The following ME1 variants were observed in gnomAD, a reference collection of about 807,000 sequenced individuals.
ME1 encodes malic enzyme 1.
Under a neutral mutation model 66.4 loss-of-function variants are expected in ME1, and 74 were observed. The observed-to-expected ratio is 1.11, with a 90% CI of 0.92 to 1.35. The LOEUF is 1.35. ME1 is among the 40% of genes most tolerant of loss of function. The pLI is 0.00. For missense variants in ME1, 750 were observed against 694.1 expected (o/e 1.08, Z -0.90); for synonymous variants, 251 against 235.6 (o/e 1.07, Z -0.60).
intron 12 of ME1, among the ~76,000 whole-genome samples, chr6:83,220,321 T>G (rs1790067463): frequency 1.3e-5 from 2 of 152,072 alleles, no homozygotes; most frequent in African/African-American, 4.8e-5. Context: ...GGAGAAGTGG[T>G]GTGAAGATAG....
chr6:83,225,205 C>CGAAA (rs1386353254), intron 11 of ME1, among the ~76,000 whole-genome samples: 3 of 40,498 alleles, frequency 7.4e-5, no homozygotes, highest in Non-Finnish European at 1.6e-4. Context: ...GACTCCATCT[C>CGAAA]AAAAAAAAAA....
intron 7 of ME1, among the ~76,000 whole-genome samples, chr6:83,251,584 T>A (rs1790726161): frequency 6.6e-6 from 1 of 152,118 alleles, no homozygotes; most frequent in South Asian, 2.1e-4. Context: ...GAGGTGGAAT[T>A]GACCCAGACC....
intron 12 of ME1, among the ~76,000 whole-genome samples, chr6:83,219,760 G>A (rs1003747915): frequency 1.4e-5 from 1 of 72,280 alleles, no homozygotes; most frequent in Non-Finnish European, 3.0e-5. Context: ...TTTTTTTTTT[G>A]TATTTTTAGC....
At chr6:83,252,910 T>G (rs901425162) in intron 7 of ME1, among the ~76,000 whole-genome samples, 1 of 152,168 alleles carries the variant, frequency 6.6e-6, no homozygotes, top group Non-Finnish European at 1.5e-5. Context: ...GTCAACAATG[T>G]GGAATGCTGC....
chr6:83,248,803 T>C (rs1790669319), intron 7 of ME1, among the ~76,000 whole-genome samples: 1 of 152,160 alleles, frequency 6.6e-6, no homozygotes, highest in Non-Finnish European at 1.5e-5. Flanking sequence ...GTGAGTCAAT[T>C]AAACCTCTTT....
At chr6:83,346,414 A>AC in intron 4 of ME1, 80 bp from the exon 5 acceptor site, 1 of 871,290 alleles carries the variant, frequency 1.1e-6, no homozygotes, top group Admixed American at 3.2e-5. Context: ...TTCTGAAGTT[A>AC]CTACTAGTGA....
chr6:83,308,491 G>A (rs564743795), intron 6 of ME1, among the ~76,000 whole-genome samples: 1,544 of 139,658 alleles, frequency 0.011, 27 homozygotes, highest in African/African-American at 0.037. Context: ...AAAAAAAAAA[G>A]GATACTATAA....
At chr6:83,383,418 A>G (rs531787338) in intron 3 of ME1, among the ~76,000 whole-genome samples, 1 of 152,080 alleles carries the variant, frequency 6.6e-6, no homozygotes, top group East Asian at 1.9e-4. Context: ...ATAATTTTAT[A>G]TAACCTCTTC....
chr6:83,250,860 T>C (rs1371370713), intron 7 of ME1, among the ~76,000 whole-genome samples: 2 of 152,250 alleles, frequency 1.3e-5, no homozygotes, highest in Non-Finnish European at 2.9e-5. Flanking sequence ...GGCAATATAG[T>C]AAATATTTTA....
At chr6:83,304,206 TGTA>T (rs2128537230) in intron 6 of ME1, among the ~76,000 whole-genome samples, 1 of 152,272 alleles carries the variant, frequency 6.6e-6, no homozygotes, top group South Asian at 2.1e-4. Context: ...AGGTTACAAA[TGTA>T]GTAGTTGGTG....
chr6:83,368,937 C>G (rs979668797), intron 3 of ME1, among the ~76,000 whole-genome samples: 1 of 152,034 alleles, frequency 6.6e-6, no homozygotes, highest in African/African-American at 2.4e-5. Context: ...TTTTCATTTC[C>G]CTCTGCAATA....
intron 6 of ME1, among the ~76,000 whole-genome samples, chr6:83,272,724 C>T (rs1562465707): frequency 6.6e-6 from 1 of 152,226 alleles, no homozygotes; most frequent in Non-Finnish European, 1.5e-5. Context: ...ATACATCTCA[C>T]ATTCACAGAA....
chr6:83,381,611 A>G (rs1357227047), intron 3 of ME1, among the ~76,000 whole-genome samples: 4 of 152,116 alleles, frequency 2.6e-5, no homozygotes, highest in African/African-American at 9.7e-5. Flanking sequence ...CAGGACTACA[A>G]GACTGTGGAA....
At chr6:83,300,940 G>A (rs573874085) in intron 6 of ME1, among the ~76,000 whole-genome samples, 40 of 151,890 alleles carry the variant, frequency 2.6e-4, no homozygotes, top group African/African-American at 6.8e-4. Flanking sequence ...TCAAACTATC[G>A]CAAGGACAGA....
intron 2 of ME1, among the ~76,000 whole-genome samples, chr6:83,399,385 G>C (rs1476854836): frequency 2.6e-5 from 4 of 152,120 alleles, no homozygotes; most frequent in African/African-American, 9.7e-5. Context: ...AAATAGCACA[G>C]TTTTATTTAA....
intron 3 of ME1, among the ~76,000 whole-genome samples, chr6:83,390,566 C>T (rs901433885): frequency 1.3e-5 from 2 of 151,892 alleles, no homozygotes; most frequent in African/African-American, 4.8e-5. Context: ...TAGGAGAAGC[C>T]ATAATTATTT....
At chr6:83,420,083 T>C (rs1450394494) in intron 1 of ME1, among the ~76,000 whole-genome samples, 1 of 152,126 alleles carries the variant, frequency 6.6e-6, no homozygotes, top group East Asian at 1.9e-4. Flanking sequence ...TTTTTTTTCT[T>C]TTGAGACGGA....
At chr6:83,365,505 T>C (rs1769086767) in intron 3 of ME1, among the ~76,000 whole-genome samples, 1 of 152,232 alleles carries the variant, frequency 6.6e-6, no homozygotes, top group South Asian at 2.1e-4. Context: ...AGCTTGACTG[T>C]TGCTGTTATC....
intron 7 of ME1, among the ~76,000 whole-genome samples, chr6:83,251,786 T>G (rs1008568157): frequency 3.3e-5 from 5 of 152,096 alleles, no homozygotes; most frequent in Admixed American, 2.0e-4. Context: ...CATCAGACCA[T>G]GCATTTTGGG....
Sources: allele counts gnomAD v4.1 joint callset (sites outside exome capture counted in the v4.1 genomes callset), GRCh38; gene constraint gnomAD v4.1.1; transcripts MANE v1.5; gene names NCBI Gene and HGNC (gene_info 2026-07-23, HGNC 2026-07-21).